TNS3: variants seen among roughly 807,000 people sequenced by gnomAD.
The protein encoded by TNS3 is tensin 3.
TNS3 carries 45 observed loss-of-function variants against 140.9 expected under a neutral mutation model. That is an observed-to-expected ratio of 0.32 (90% CI 0.25 to 0.41). The LOEUF is 0.41. Among genes scored for constraint, TNS3 ranks in the 10% least tolerant of loss-of-function variants. TNS3 has a pLI of 1.00. For missense variants in TNS3, 1,716 were observed against 1,906.7 expected (o/e 0.90, Z 1.86); for synonymous variants, 815 against 788.4 (o/e 1.03, Z -0.56).
intron 16 of TNS3, among the ~76,000 whole-genome samples, chr7:47,378,337 T>C (rs1791531067): frequency 6.6e-6 from 1 of 152,124 alleles, no homozygotes; most frequent in African/African-American, 2.4e-5. Flanking sequence ...GTCTCGAGAA[T>C]TACACTGAGG....
chr7:47,567,121 A>G (rs1800447191), intron 1 of TNS3, among the ~76,000 whole-genome samples: 1 of 152,262 alleles, frequency 6.6e-6, no homozygotes, highest in Admixed American at 6.5e-5. Flanking sequence ...CATTTTTTAA[A>G]AACTGCTTAT....
At chr7:47,579,793 G>A (rs1404486371) in intron 1 of TNS3, 10 of 977,596 alleles carry the variant, frequency 1.0e-5, no homozygotes, top group South Asian at 4.7e-5. Flanking sequence ...GTCCTAAGCA[G>A]ATATAAGCTG....
chr7:47,500,082 A>AACACACAC (rs746427298), intron 3 of TNS3, among the ~76,000 whole-genome samples: 1 of 151,914 alleles, frequency 6.6e-6, no homozygotes, highest in African/African-American at 2.4e-5. Flanking sequence ...CAAACATTAA[A>AACACACAC]ACACACACAC....
chr7:47,546,499 T>G (rs1799925396), intron 1 of TNS3, among the ~76,000 whole-genome samples: 1 of 152,230 alleles, frequency 6.6e-6, no homozygotes, highest in Non-Finnish European at 1.5e-5. Context: ...GGTGAGGTGC[T>G]GAGGCTGGGA....
chr7:47,296,071 G>A (rs1398552451), intron 24 of TNS3, among the ~76,000 whole-genome samples: 1 of 152,018 alleles, frequency 6.6e-6, no homozygotes, highest in Admixed American at 6.6e-5. Flanking sequence ...CATTTGGGGA[G>A]ACAGACAGAG....
intron 2 of TNS3, among the ~76,000 whole-genome samples, chr7:47,524,151 C>T (rs1799092330): frequency 6.6e-6 from 1 of 152,196 alleles, no homozygotes; most frequent in Non-Finnish European, 1.5e-5. Context: ...CAGCACGAAG[C>T]AGCCGTCCCC....
rs764402098 is a variant in TNS3, at chr7:47,369,136, A to C, written c.1510T>G (p.Ser504Ala). 6.2e-6 allele frequency: 10 copies of C among 1,613,900 alleles called. No individual in the cohort carries two copies. The East Asian group carries it at 1.3e-4, about 22-fold the overall frequency. The change falls in exon 17 of 31, where the codon TCG becomes GCG. Residue 504 changes from serine to alanine, a missense_variant. Physicochemically the swap from Ser to Ala is moderately conservative, Grantham distance 99. This residue lies in a region of TNS3 where 1,163 missense variants were observed against 1,182.1 expected (regional missense o/e 0.98). Transcript: ENST00000311160. ...CAGGTGAAGGGACCCAGGTGGGCCG[A>C]CTGAGGCCCTTCCGAGGAGGACAGG... ...GTLSSSEGPQ[S>A]AHLGPFTCHK...
chr7:47,508,077 C>T (rs1298503970), intron 2 of TNS3, among the ~76,000 whole-genome samples: 1 of 152,208 alleles, frequency 6.6e-6, no homozygotes, highest in Non-Finnish European at 1.5e-5. Context: ...AGGGGCCCCA[C>T]ATCCCAGCTC....
chr7:47,311,264 G>A (rs1276986492), intron 20 of TNS3, among the ~76,000 whole-genome samples: 1 of 152,120 alleles, frequency 6.6e-6, no homozygotes, highest in Non-Finnish European at 1.5e-5. Context: ...GCCATTCTGG[G>A]GGCAGGGGGA....
intron 1 of TNS3, among the ~76,000 whole-genome samples, chr7:47,557,612 A>G (rs1373908357): frequency 6.6e-6 from 1 of 152,212 alleles, no homozygotes; most frequent in Non-Finnish European, 1.5e-5. Context: ...CAACTGGCAG[A>G]ATACTCTCTG....
chr7:47,544,272 C>T (rs116946805), intron 1 of TNS3, among the ~76,000 whole-genome samples: 7,739 of 151,904 alleles, frequency 0.051, 300 homozygotes, highest in Non-Finnish European at 0.07. Flanking sequence ...GGGTGCCCAG[C>T]CCAAAAGATA....
chr7:47,374,076 T>C (rs533303906), intron 16 of TNS3, among the ~76,000 whole-genome samples: 1 of 152,176 alleles, frequency 6.6e-6, no homozygotes, highest in South Asian at 2.1e-4. Context: ...CTCCAACTGA[T>C]AATGAACACA....
Position 47,400,412 on chromosome 7 carries a change from G to T in TNS3, c.900C>A (p.Ala300=). The T allele has an allele frequency of 6.2e-7, 1 of 1,614,128 alleles. No individual in the cohort carries two copies. The highest frequency in any genetic ancestry group is 8.5e-7 in the Non-Finnish European group (1 of 1,179,996). ...DYGKVELVFS[A]TPEKIQGSEH... ...ACCCACCTTGAATCTTCTCAGGCGT[G>T]GCAGAGAAGACTAATTCAACCTTCC... Residue 300 remains alanine, a synonymous_variant, in exon 15 of 31, where the codon GCC becomes GCA. Coordinates refer to ENST00000311160, the MANE Select transcript of TNS3 (RefSeq NM_022748.12).
chr7:47,450,773 G>A (rs71545993), intron 4 of TNS3, among the ~76,000 whole-genome samples: 14,654 of 152,266 alleles, frequency 0.096, 910 homozygotes, highest in East Asian at 0.16. Flanking sequence ...GCAGTGCCAG[G>A]ATAGGTTAAA....
chr7:47,437,175 A>C, intron 7 of TNS3, 88 bp downstream of exon 7: 2 of 866,086 alleles, frequency 2.3e-6, no homozygotes, highest in Non-Finnish European at 3.6e-6. Flanking sequence ...GTCACATTCC[A>C]CAAAGACTAG....
chr7:47,302,388 T>A (rs773123638), intron 22 of TNS3, 116 bp from the exon 23 acceptor site: 22 of 801,724 alleles, frequency 2.7e-5, no homozygotes, highest in Non-Finnish European at 4.3e-5. Flanking sequence ...AAGCGAGCGA[T>A]GTTCTAAGGA....
chr7:47,515,148 C>T (rs1584797662), intron 2 of TNS3, among the ~76,000 whole-genome samples: 1 of 152,246 alleles, frequency 6.6e-6, no homozygotes, highest in Non-Finnish European at 1.5e-5. Flanking sequence ...GTTAACATAA[C>T]AGTTTTTAAA....
chr7:47,530,085 A>T (rs1279360576), intron 1 of TNS3, among the ~76,000 whole-genome samples: 1 of 152,240 alleles, frequency 6.6e-6, no homozygotes, highest in African/African-American at 2.4e-5. Context: ...ATAAAAGCCT[A>T]TGTCCACAAG....
At chr7:47,490,183 T>C (rs1324819523) in intron 3 of TNS3, among the ~76,000 whole-genome samples, 1 of 152,230 alleles carries the variant, frequency 6.6e-6, no homozygotes, top group Non-Finnish European at 1.5e-5. Context: ...ACTGGATCCA[T>C]TTCCACAAGG....
Sources: gnomAD v4.1 joint callset for allele counts (sites outside exome capture counted in the v4.1 genomes callset) on GRCh38, gnomAD v4.1.1 for gene constraint, gnomAD v4.1.1 regional missense constraint, MANE v1.5 for transcripts, NCBI Gene and HGNC (gene_info 2026-07-23, HGNC 2026-07-21) for gene names.